The following DLG2 variants were observed in gnomAD, a reference collection of about 807,000 sequenced individuals.
DLG2 encodes the protein discs large MAGUK scaffold protein 2, also known as disks large homolog 2.
DLG2 carries 45 observed loss-of-function variants against 132.5 expected under a neutral mutation model. The ratio of observed to expected loss-of-function variants is 0.34; its 90% CI spans 0.27 to 0.44. The LOEUF (loss-of-function observed/expected upper bound fraction) is 0.44. Among genes scored for constraint, DLG2 ranks in the 20% least tolerant of loss-of-function variants. The probability of loss-of-function intolerance (pLI) is 1.00; values close to 1 mark genes in which losing one functional copy is unlikely to be tolerated. For synonymous variants in DLG2, 424 were observed against 419.6 expected (o/e 1.01, Z -0.13); for missense variants, 1,045 against 1,196.9 (o/e 0.87, Z 1.87).
At chr11:84,315,321 A>G (rs760318947) in intron 7 of DLG2, among the ~76,000 whole-genome samples, 4 of 152,168 alleles carry the variant, frequency 2.6e-5, no homozygotes, top group Non-Finnish European at 5.9e-5. Flanking sequence ...GGTTTGGGAA[A>G]TTACCATTTA....
chr11:83,773,826 G>A (rs1007430637), intron 18 of DLG2, among the ~76,000 whole-genome samples: 1 of 152,196 alleles, frequency 6.6e-6, no homozygotes, highest in Non-Finnish European at 1.5e-5. Flanking sequence ...ACGGCTGTGA[G>A]CAAGACAGAC....
rs555504233 is a variant in DLG2, at chr11:85,012,473, G to A, written c.357+99188C>T. Among the ~76,000 whole-genome samples the A allele has an allele frequency of 5.9e-5, 9 of 152,002 alleles. No individual in the cohort carries two copies. The South Asian group carries it at 1.9e-3, about 32-fold the overall frequency. On this transcript the variant is annotated intron_variant, in intron 6 of 27. Transcript: ENST00000376104. ...TGGGAGGTAGAGGTTGCAGTGAGCT[G>A]AGATCGCGCCATTGCACTACAGCCT...
intron 6 of DLG2, among the ~76,000 whole-genome samples, chr11:84,966,018 A>G (rs569901833): frequency 6.6e-6 from 1 of 152,120 alleles, no homozygotes; most frequent in Non-Finnish European, 1.5e-5. Flanking sequence ...GAGAAAGATT[A>G]GTTTGCTCAT....
intron 6 of DLG2, among the ~76,000 whole-genome samples, chr11:84,621,290 T>C (rs898215068): frequency 6.6e-6 from 1 of 152,144 alleles, no homozygotes; most frequent in African/African-American, 2.4e-5. Context: ...GTAGAAAAAT[T>C]ACTCTGGCTA....
intron 6 of DLG2, among the ~76,000 whole-genome samples, chr11:84,836,344 C>T (rs571491190): frequency 8.6e-5 from 13 of 151,750 alleles, no homozygotes; most frequent in African/African-American, 2.7e-4. Flanking sequence ...CCAATGTACC[C>T]GTCACTTACT....
intron 5 of DLG2, among the ~76,000 whole-genome samples, chr11:85,140,829 T>A (rs550510841): frequency 8.0e-4 from 121 of 152,056 alleles, no homozygotes; most frequent in African/African-American, 2.8e-3. Flanking sequence ...ACAGAACATG[T>A]GAAATTTGTC....
chr11:84,965,277 T>G (rs189842728), intron 6 of DLG2, among the ~76,000 whole-genome samples: 30 of 151,110 alleles, frequency 2.0e-4, no homozygotes, highest in Middle Eastern at 3.4e-3. Flanking sequence ...GGCTGGGTTT[T>G]TGTGTGTGTG....
intron 3 of DLG2, among the ~76,000 whole-genome samples, chr11:85,490,578 C>T (rs1456546861): frequency 1.3e-5 from 2 of 151,550 alleles, no homozygotes; most frequent in African/African-American, 4.8e-5. Flanking sequence ...AGAAAGAAAA[C>T]TCAAATAAAC....
intron 7 of DLG2, among the ~76,000 whole-genome samples, chr11:84,279,492 T>C (rs1315765965): frequency 2.0e-5 from 3 of 152,174 alleles, no homozygotes; most frequent in Non-Finnish European, 4.4e-5. Context: ...CATTCTACTA[T>C]AAGGACAAAT....
chr11:83,514,310 T>G (rs1001243313), intron 21 of DLG2, among the ~76,000 whole-genome samples: 2 of 152,170 alleles, frequency 1.3e-5, no homozygotes, highest in Non-Finnish European at 2.9e-5. Context: ...GGGAGTTCAC[T>G]CATGATTTGG....
At chr11:85,365,197 C>T (rs1396752857) in intron 3 of DLG2, among the ~76,000 whole-genome samples, 2 of 152,144 alleles carry the variant, frequency 1.3e-5, no homozygotes, top group African/African-American at 4.8e-5. Flanking sequence ...AGGAGCGGCT[C>T]TTTTTGTAAT....
chr11:84,305,797 T>G (rs560251467), intron 7 of DLG2, among the ~76,000 whole-genome samples: 1 of 152,194 alleles, frequency 6.6e-6, no homozygotes, highest in South Asian at 2.1e-4. Context: ...AGTTTGAGAT[T>G]TGACACAATA....
chr11:85,307,865 A>G (rs535418330), intron 3 of DLG2, among the ~76,000 whole-genome samples: 1 of 152,280 alleles, frequency 6.6e-6, no homozygotes, highest in East Asian at 1.9e-4. Context: ...TGTCAAAATA[A>G]AACAAGAGGC....
chr11:84,128,113 A>G (rs571454004), intron 9 of DLG2, among the ~76,000 whole-genome samples: 1 of 152,310 alleles, frequency 6.6e-6, no homozygotes, highest in South Asian at 2.1e-4. Flanking sequence ...AGCCAACAAT[A>G]GATGTTTAAT....
intron 6 of DLG2, among the ~76,000 whole-genome samples, chr11:84,860,417 A>C (rs556098158): frequency 6.6e-6 from 1 of 152,232 alleles, no homozygotes; most frequent in African/African-American, 2.4e-5. Context: ...TCTGACAATG[A>C]AGCTAGGGCT....
intron 6 of DLG2, among the ~76,000 whole-genome samples, chr11:84,790,614 C>T (rs1239191878): frequency 6.6e-6 from 1 of 152,080 alleles, no homozygotes; most frequent in African/African-American, 2.4e-5. Flanking sequence ...TCCATTTTTG[C>T]TTTGGTTGCC....
intron 6 of DLG2, among the ~76,000 whole-genome samples, chr11:84,753,640 G>C (rs1206736291): frequency 6.6e-6 from 1 of 152,188 alleles, no homozygotes; most frequent in Non-Finnish European, 1.5e-5. Context: ...ATTCACATAG[G>C]AGATCAGGAA....
intron 7 of DLG2, among the ~76,000 whole-genome samples, chr11:84,501,894 A>G (rs981144119): frequency 6.6e-6 from 1 of 152,104 alleles, no homozygotes; most frequent in Admixed American, 6.5e-5. Flanking sequence ...TAAGCTTTAA[A>G]TATACTGATG....
At chr11:85,203,910 C>T (rs11825583) in intron 4 of DLG2, among the ~76,000 whole-genome samples, 2,597 of 152,144 alleles carry the variant, frequency 0.017, 68 homozygotes, top group African/African-American at 0.057. Context: ...TAATACATCA[C>T]ATTAACAGAA....
Sources: allele counts gnomAD v4.1 joint callset (sites outside exome capture counted in the v4.1 genomes callset), GRCh38; gene constraint gnomAD v4.1.1; transcripts MANE v1.5; gene names NCBI Gene and HGNC (gene_info 2026-07-23, HGNC 2026-07-21).